Variants in PLEKHG4B observed in about 807,000 individuals in gnomAD.
PLEKHG4B encodes the protein pleckstrin homology domain-containing family G member 4B.
A neutral mutation model predicts 121.3 loss-of-function variants in PLEKHG4B; 111 were observed. The ratio of observed to expected loss-of-function variants is 0.92; its 90% CI spans 0.78 to 1.07. The LOEUF is 1.07. Among genes scored for constraint, PLEKHG4B ranks in the 50% least tolerant of loss-of-function variants. The pLI, the probability that PLEKHG4B is intolerant of heterozygous loss-of-function variation, is 0.00. For missense variants in PLEKHG4B, 1,831 were observed against 1,757.8 expected, an observed-to-expected ratio of 1.04 and a Z score of -0.74; for synonymous variants, 738 against 725.0, an observed-to-expected ratio of 1.02 and a Z score of -0.29.
chr5:157,082 A>C lies in PLEKHG4B; in HGVS notation c.2487+171A>C, dbSNP rs1735809580. The C allele has an allele frequency of 2.9e-6, 3 of 1,036,310 alleles. No homozygotes were observed. Among genetic ancestry groups the C allele is most frequent in the African/African-American group, 1.6e-5 (1 of 62,356 alleles). 64.2% of individuals were successfully genotyped at this position (1,036,310 alleles called of 1,614,324 possible). On this transcript the variant is annotated intron_variant, in intron 11 of 19. Transcript: ENST00000637938. The surrounding 1 kb of genome is among the most constrained non-coding windows in gnomAD (Gnocchi z 4.6). ...TTGCTGCTTGTGTAAAAAGAAATAA[A>C]TTTTATTTTTTACGTGAGAGATACT...
intron 18 of PLEKHG4B, among the ~76,000 whole-genome samples, chr5:174,725 T>G (rs1736699125): frequency 6.6e-6 from 1 of 152,070 alleles, no homozygotes; most frequent in Non-Finnish European, 1.5e-5. Context: ...GCGTTTCTTT[T>G]TTGGTAAGGG....
At chr5:171,571 C>A in intron 16 of PLEKHG4B, 127 bp downstream of exon 16, 1 of 970,866 alleles carries the variant, frequency 1.0e-6, no homozygotes. Context: ...GGAGAAGTCC[C>A]TCAAAGCACA....
chr5:174,359 T>G (rs2126460056), intron 18 of PLEKHG4B, among the ~76,000 whole-genome samples: 1 of 67,044 alleles, frequency 1.5e-5, no homozygotes, highest in Non-Finnish European at 2.8e-5. Context: ...GGAGACTGAG[T>G]CCAGGGGTCG....
chr5:119,265 TCAA>T (rs887460526), intron 2 of PLEKHG4B, among the ~76,000 whole-genome samples: 4 of 152,112 alleles, frequency 2.6e-5, no homozygotes, highest in Non-Finnish European at 5.9e-5. Flanking sequence ...AAACTAGAAA[TCAA>T]CAACAAGAAA....
chr5:113,478 G>A lies in PLEKHG4B; in HGVS notation c.243+30G>A, dbSNP rs957528751. 1.5e-5 allele frequency: 6 copies of A among 398,894 alleles called. No homozygotes were observed. The highest frequency in any genetic ancestry group is 4.1e-5 in the African/African-American group (2 of 48,612). The allele number at this position is 398,894 out of a possible 1,614,324, so 24.7% of individuals were successfully genotyped here. A position where few individuals can be genotyped will look rare whatever the true frequency, so the allele number is the denominator to read the frequency against. On this transcript the variant is annotated intron_variant, in intron 2 of 19. Coordinates refer to ENST00000637938, the MANE Select transcript of PLEKHG4B (RefSeq NM_052909.5). The surrounding 1 kb of genome is among the most constrained non-coding windows in gnomAD (Gnocchi z 5.2). ...GTACCTCCCTTGTAGCTCTGAGACCGTGGCCAACCTGGAGGAACCTGCCCT... is the reference window on the plus strand; with the variant it reads ...GTACCTCCCTTGTAGCTCTGAGACCATGGCCAACCTGGAGGAACCTGCCCT...
In PLEKHG4B at chr5:161,827, A is replaced by G. The variant is rs1736012800; in HGVS notation, c.2532A>G (p.Gln844=). The change falls in exon 12 of 20, where the codon CAA becomes CAG. Residue 844 remains glutamine (Q), a synonymous_variant. Coordinates refer to ENST00000637938, the MANE Select transcript of PLEKHG4B (RefSeq NM_052909.5). ...TACAGCTGGCGAAGGAGAACCCGCA[A>G]CGTACAGAGGAAATGGTCCAGGATT... ...KGLQLAKENP[Q]RTEEMVQDFR... is the part of the protein sequence containing the mutation. 1 of 1,613,804 alleles carries G rather than the reference A, an allele frequency of 6.2e-7. No homozygotes were observed. The highest frequency in any genetic ancestry group is 8.5e-7 in the Non-Finnish European group (1 of 1,180,040).
At chr5:170,959 T>C in intron 14 of PLEKHG4B, 84 bp from the exon 15 acceptor site, 1 of 1,156,868 alleles carries the variant, frequency 8.6e-7, no homozygotes, top group South Asian at 1.4e-5. Flanking sequence ...ACGGGAGCAG[T>C]TCCAAGTCTG....
At position 113,865 on chromosome 5, in the gene PLEKHG4B, C is replaced by T. The variant is rs921776975; in HGVS notation, c.243+417C>T. ...CACCTGGAAGGGATAGTAGTGAGAA[C>T]CTCAGAGCTAAGTCAGTGCAGCAGT... is the stretch of plus-strand genomic sequence containing the variant. On this transcript the variant is annotated intron_variant, in intron 2 of 19. Transcript: ENST00000637938. This position sits in a 1 kb window ranked among gnomAD's most constrained non-coding sequence, Gnocchi z 5.2. Among the ~76,000 whole-genome samples, 1 of 151,990 alleles carries T rather than the reference C, an allele frequency of 6.6e-6. No individual in the cohort carries two copies. The highest frequency in any genetic ancestry group is 1.5e-5 in the Non-Finnish European group (1 of 68,010).
rs1733526433 is a variant in PLEKHG4B, at chr5:184,002, TAGA to T, written c.*1680_*1682del. 7.1e-6 allele frequency: 1 copy of T among 141,108 alleles called. No homozygotes were observed. The allele number at this position is 141,108 out of a possible 1,614,324, so 8.7% of individuals were successfully genotyped here. On this transcript the variant is annotated 3_prime_UTR_variant, in exon 20 of 20. Transcript: ENST00000637938. Reference sequence around the variant, plus strand: ...ATAGATAGATAGATCGATAGATAGATAGATAGATAGATAGATAGATAGATAGAC... The same window carrying T: ...ATAGATAGATAGATCGATAGATAGATTAGATAGATAGATAGATAGATAGAC...
chr5:130,623 T>G (rs1465521840), intron 2 of PLEKHG4B, among the ~76,000 whole-genome samples: 3 of 152,260 alleles, frequency 2.0e-5, no homozygotes, highest in African/African-American at 7.2e-5. Flanking sequence ...AGCGGGACTC[T>G]GCTTATTTTT....
intron 1 of PLEKHG4B, among the ~76,000 whole-genome samples, chr5:104,528 A>G (rs569242012): frequency 1.6e-4 from 24 of 152,370 alleles, no homozygotes; most frequent in Middle Eastern, 6.8e-3. Flanking sequence ...CCAGTAACCC[A>G]ATTTAAAGTG....
rs759048646 is a variant in PLEKHG4B, at chr5:140,365, C to G, written c.1126C>G (p.Leu376Val). 6.4e-7 allele frequency: 1 copy of G among 1,551,986 alleles called. No homozygotes were observed. The highest frequency in any genetic ancestry group is 1.2e-5 in the South Asian group (1 of 83,650). Residue 376 changes from leucine (L) to valine (V), a missense_variant, in exon 3 of 20, where the codon CTG (leucine) becomes GTG (valine). Leu to Val is a conservative substitution (Grantham distance 32). Transcript: ENST00000637938. ...LGSSEEALGDLACSSLTGASR... is the reference protein window; with the variant it reads ...LGSSEEALGDVACSSLTGASR... ...CAGCTCTGAGGAGGCCCTCGGGGACCTGGCCTGCAGCTCCCTGACTGGAGC... is the reference window on the plus strand; with the variant it reads ...CAGCTCTGAGGAGGCCCTCGGGGACGTGGCCTGCAGCTCCCTGACTGGAGC...
Position 171,152 on chromosome 5 carries a change from C to G in PLEKHG4B, c.3819+20C>G, listed in dbSNP as rs770391283. On this transcript the variant is annotated intron_variant, in intron 15 of 19. Transcript: ENST00000637938. The stretch of plus-strand genomic sequence containing the variant: ...TTCAAGGTCATCCCCCTCGGCCCGC[C>G]CCCCACAGCCTGCCCGGCCCTCAGC... 2.5e-6 allele frequency: 4 copies of G among 1,609,562 alleles called. No homozygotes were observed. In the East Asian group the frequency reaches 8.9e-5, roughly 36 times the overall value.
At chr5:128,679 T>C (rs1734691430) in intron 2 of PLEKHG4B, among the ~76,000 whole-genome samples, 1 of 152,202 alleles carries the variant, frequency 6.6e-6, no homozygotes, top group Non-Finnish European at 1.5e-5. Flanking sequence ...AGTTCCAAAA[T>C]AGTTATGGCA....
rs1190720644 is a variant in PLEKHG4B at position 157,571 on chromosome 5, A to G, written c.2487+660A>G. On this transcript the variant is annotated intron_variant, in intron 11 of 19. Transcript: ENST00000637938. This position sits in a 1 kb window ranked among gnomAD's most constrained non-coding sequence, Gnocchi z 4.6. ...GGACACACTGCAGAATCTGGGGTCC[A>G]TATAGCAGTGGCTCTGAAATGATTG... is the stretch of plus-strand genomic sequence containing the variant. 2.0e-5 allele frequency among the ~76,000 whole-genome samples: 3 copies of G among 152,104 alleles called. No homozygotes were observed. The highest frequency in any genetic ancestry group is 4.4e-5 in the Non-Finnish European group (3 of 68,030).
chr5:156,073 A>G lies in PLEKHG4B; in HGVS notation c.2211A>G (p.Glu737=), dbSNP rs1735768343. The G allele has an allele frequency of 6.3e-7, 1 of 1,579,698 alleles. No homozygotes were observed. The highest frequency in any genetic ancestry group is 8.6e-7 in the Non-Finnish European group (1 of 1,160,946). Residue 737 remains glutamate (E), a splice_region_variant and synonymous_variant, in exon 10 of 20, where the codon GAA becomes GAG. Coordinates refer to ENST00000637938, the MANE Select transcript of PLEKHG4B (RefSeq NM_052909.5). This position sits in a 1 kb window ranked among gnomAD's most constrained non-coding sequence, Gnocchi z 4.4. ...NTHRTPRTAQ[E]VAELIDQHET... is the part of the protein sequence containing the mutation. Reference sequence around the variant, plus strand: ...TTATTCCTCCCCATCCCGTGCAGGAAGTCGCCGAGTTAATTGACCAGCATG... The same window carrying G: ...TTATTCCTCCCCATCCCGTGCAGGAGGTCGCCGAGTTAATTGACCAGCATG...
rs996219396 is a variant in PLEKHG4B, at chr5:171,448, A to C, written c.4050+4A>C. 11 of 1,583,658 alleles carry C rather than the reference A, an allele frequency of 6.9e-6. No individual in the cohort carries two copies. The highest frequency in any genetic ancestry group is 1.7e-4 in the Middle Eastern group (1 of 5,896). ...GGACGCCATCCGCGGCTGTGACGTA[A>C]GTGCCTCAGACGCTGGCAGCTCAGG... On this transcript the variant is annotated splice_donor_region_variant and intron_variant, in intron 16 of 19. Transcript: ENST00000637938.
In PLEKHG4B at chr5:165,647, G is replaced by A. The variant is rs1265061161; in HGVS notation, c.3476+2099G>A. 1.4e-4 allele frequency among the ~76,000 whole-genome samples: 6 copies of A among 42,338 alleles called. 1 individual carries two copies. Among genetic ancestry groups the A allele is most frequent in the Non-Finnish European group, 2.9e-4 (5 of 17,338 alleles). The allele number at this position is 42,338 out of a possible 152,430, so 27.8% of individuals were successfully genotyped here. On this transcript the variant is annotated intron_variant, in intron 13 of 19. Coordinates refer to ENST00000637938, the MANE Select transcript of PLEKHG4B (RefSeq NM_052909.5). The stretch of plus-strand genomic sequence containing the variant: ...GCTCACACTAATGCTCTGATGTGGC[G>A]GAGCTCACACTAATGCTCTGACGGG...
chr5:173,147 C>A, intron 17 of PLEKHG4B, 80 bp downstream of exon 17: 1 of 1,377,008 alleles, frequency 7.3e-7, no homozygotes, highest in Non-Finnish European at 1.0e-6. Context: ...TCACCTAAGG[C>A]CAGCAGAGGA....
Sources: gnomAD v4.1 joint callset for allele counts (sites outside exome capture counted in the v4.1 genomes callset) on GRCh38, gnomAD v4.1.1 for gene constraint, Gnocchi (gnomAD v3.1) non-coding constraint, MANE v1.5 for transcripts, NCBI Gene and HGNC (gene_info 2026-07-23, HGNC 2026-07-21) for gene names.